The following IQSEC1 variants were observed in gnomAD, a reference collection of about 807,000 sequenced individuals.
IQSEC1 encodes the protein IQ motif and SEC7 domain-containing protein 1.
Under a neutral mutation model 91.0 loss-of-function variants are expected in IQSEC1, and 31 were observed. The observed-to-expected ratio is 0.34, with a 90% CI of 0.26 to 0.46. The LOEUF (loss-of-function observed/expected upper bound fraction) is 0.46, where lower values mean the gene tolerates loss of function less well. Ranked by LOEUF, IQSEC1 falls within the 20% of genes least tolerant of loss-of-function variation. The pLI is 1.00. For synonymous variants in IQSEC1, 699 were observed against 662.6 expected (o/e 1.05, Z -0.84); for missense variants, 1,388 against 1,575.6 (o/e 0.88, Z 2.02).
chr3:12,947,120 C>A (rs1699230402), intron 1 of IQSEC1, among the ~76,000 whole-genome samples: 1 of 152,244 alleles, frequency 6.6e-6, no homozygotes. Context: ...GGGAGGAAAG[C>A]AGCCTCGGGG....
chr3:12,906,671 C>G (rs1170498496), intron 12 of IQSEC1, among the ~76,000 whole-genome samples: 10 of 152,348 alleles, frequency 6.6e-5, no homozygotes, highest in Non-Finnish European at 1.0e-4. Flanking sequence ...GGGCCCACCC[C>G]TCACACGAAC....
At chr3:12,907,385 G>C (rs528405157) in intron 12 of IQSEC1, among the ~76,000 whole-genome samples, 3 of 152,214 alleles carry the variant, frequency 2.0e-5, no homozygotes, top group Non-Finnish European at 2.9e-5. Context: ...GAATGGGGGG[G>C]TCTTCCCAAA....
At chr3:13,204,107 C>T (rs569105936) in intron 1 of IQSEC1, among the ~76,000 whole-genome samples, 1 of 152,370 alleles carries the variant, frequency 6.6e-6, no homozygotes, top group African/African-American at 2.4e-5. Context: ...TCTACACCTT[C>T]ATGGGCCGCA....
Position 13,116,356 on chromosome 3 carries a change from C to G in IQSEC1, c.302+47748G>C, listed in dbSNP as rs142727037. ...CTGCCCATTCTCTCTAGAAAGCAGC[C>G]ACAGACAATATATAAATGAATGGGT... is the stretch of plus-strand genomic sequence containing the variant. On this transcript the variant is annotated intron_variant, in intron 2 of 15. Transcript: ENST00000648114. Among the ~76,000 whole-genome samples the G allele has an allele frequency of 5.2e-3, 786 of 152,308 alleles. 4 individuals carry two copies. Among genetic ancestry groups the G allele is most frequent in the Non-Finnish European group, 8.5e-3 (576 of 68,026 alleles).
intron 2 of IQSEC1, among the ~76,000 whole-genome samples, chr3:13,134,657 T>C (rs1033096815): frequency 6.6e-6 from 1 of 152,164 alleles, no homozygotes; most frequent in African/African-American, 2.4e-5. Flanking sequence ...TAGAGGTGTG[T>C]TGCATGAAAG....
chr3:13,229,326 C>T (rs1156984216), intron 1 of IQSEC1, among the ~76,000 whole-genome samples: 7 of 152,344 alleles, frequency 4.6e-5, no homozygotes, highest in African/African-American at 9.6e-5. Flanking sequence ...TGGCCTATAA[C>T]AGCTACTGCA....
At chr3:13,186,374 T>G (rs911747636) in intron 1 of IQSEC1, among the ~76,000 whole-genome samples, 1 of 152,138 alleles carries the variant, frequency 6.6e-6, no homozygotes, top group Non-Finnish European at 1.5e-5. Context: ...TGTATAAACA[T>G]GATCATTACC....
intron 1 of IQSEC1, among the ~76,000 whole-genome samples, chr3:13,238,680 G>C (rs2125099924): frequency 6.6e-6 from 1 of 152,264 alleles, no homozygotes; most frequent in Non-Finnish European, 1.5e-5. Context: ...CTGGGCGCTG[G>C]GCCATCCTCT....
chr3:12,911,506 T>C, intron 10 of IQSEC1, 123 bp downstream of exon 10: 1 of 736,944 alleles, frequency 1.4e-6, no homozygotes, highest in South Asian at 1.5e-5. Context: ...TGCAATCTGC[T>C]CTCTGGGGAT....
chr3:13,161,943 T>TG (rs1407102677), intron 2 of IQSEC1, among the ~76,000 whole-genome samples: 1 of 152,192 alleles, frequency 6.6e-6, no homozygotes, highest in East Asian at 1.9e-4. Flanking sequence ...TGCTCACTCC[T>TG]GGGGTCCCTG....
chr3:13,053,557 C>T (rs1576218626), intron 1 of IQSEC1, among the ~76,000 whole-genome samples: 1 of 152,142 alleles, frequency 6.6e-6, no homozygotes, highest in South Asian at 2.1e-4. Context: ...GCAGGGACCA[C>T]GGGGAGAAGG....
At chr3:13,054,857 A>G (rs544205892) in intron 1 of IQSEC1, among the ~76,000 whole-genome samples, 120 of 152,348 alleles carry the variant, frequency 7.9e-4, no homozygotes, top group African/African-American at 2.7e-3. Context: ...CAGAAGCCAC[A>G]TGACCCCGCC....
intron 1 of IQSEC1, among the ~76,000 whole-genome samples, chr3:13,011,632 C>T (rs1238484231): frequency 6.6e-6 from 1 of 152,184 alleles, no homozygotes; most frequent in East Asian, 1.9e-4. Flanking sequence ...TGTGTAAACT[C>T]GGCACCAAGC....
At chr3:13,277,171 TCAAAACAATGTCATAGA>T (rs1695703335) in intron 1 of IQSEC1, among the ~76,000 whole-genome samples, 1 of 114,862 alleles carries the variant, frequency 8.7e-6, no homozygotes, top group Non-Finnish European at 1.7e-5. Flanking sequence ...GGATCAGCTG[TCAAAACAATGTCATAGA>T]CAAAACAGCT....
At chr3:13,048,026 C>G (rs1576213141) in intron 1 of IQSEC1, among the ~76,000 whole-genome samples, 1 of 152,236 alleles carries the variant, frequency 6.6e-6, no homozygotes, top group Non-Finnish European at 1.5e-5. Context: ...GGCCCAGGAG[C>G]CTGGGTCCTG....
chr3:12,941,476 G>A, intron 2 of IQSEC1, 95 bp downstream of exon 2: 6 of 1,272,898 alleles, frequency 4.7e-6, no homozygotes, highest in Non-Finnish European at 6.4e-6. Flanking sequence ...TCAAGTCTAT[G>A]GGAGAGATCT....
intron 1 of IQSEC1, among the ~76,000 whole-genome samples, chr3:12,986,198 A>G (rs1011372900): frequency 6.6e-6 from 1 of 152,226 alleles, no homozygotes; most frequent in Non-Finnish European, 1.5e-5. Context: ...GCTACAGGGA[A>G]GGCTACGTCA....
Position 12,922,013 on chromosome 3 carries a change from C to T in IQSEC1, c.1853+107G>A. 1.5e-6 allele frequency: 2 copies of T among 1,343,788 alleles called. No individual in the cohort carries two copies. The highest frequency in any genetic ancestry group is 5.1e-5 in the Admixed American group (2 of 38,964). The allele number at this position is 1,343,788 out of a possible 1,614,324, so 83.2% of individuals were successfully genotyped here. ...AAAGCAACATTCAGGGACACCTGGC[C>T]CTGTCTAGGGATGGTGGGGATGCAG... is the stretch of plus-strand genomic sequence containing the variant. On this transcript the variant is annotated intron_variant, in intron 5 of 13. Transcript: ENST00000613206. The surrounding 1 kb of genome is among the most constrained non-coding windows in gnomAD (Gnocchi z 5.1).
chr3:13,167,493 G>C (rs1324782107), intron 1 of IQSEC1, among the ~76,000 whole-genome samples: 1 of 151,996 alleles, frequency 6.6e-6, no homozygotes, highest in Non-Finnish European at 1.5e-5. Flanking sequence ...TCCTGGGGAG[G>C]AGAAGTCTGC....
Sources: allele counts gnomAD v4.1 joint callset (sites outside exome capture counted in the v4.1 genomes callset), GRCh38; gene constraint gnomAD v4.1.1; non-coding constraint Gnocchi (gnomAD v3.1); transcripts MANE v1.5; gene names NCBI Gene and HGNC (gene_info 2026-07-23, HGNC 2026-07-21).